Variants in MSRB3 observed in about 807,000 individuals in gnomAD.
The protein encoded by MSRB3 is methionine-R-sulfoxide reductase B3.
A neutral mutation model predicts 21.0 loss-of-function variants in MSRB3; 13 were observed. The ratio of observed to expected loss-of-function variants is 0.62; its 90% confidence interval spans 0.40 to 0.98. MSRB3 has a LOEUF of 0.98. Among genes scored for constraint, MSRB3 ranks in the 50% least tolerant of loss-of-function variants. The pLI is 0.00. For synonymous variants in MSRB3, 87 were observed against 88.6 expected, an observed-to-expected ratio of 0.98 and a Z score of 0.10; for missense variants, 199 against 230.3, an observed-to-expected ratio of 0.86 and a Z score of 0.88.
intron 5 of MSRB3, among the ~76,000 whole-genome samples, chr12:65,444,466 T>C (rs1166058096): frequency 6.6e-6 from 1 of 152,262 alleles, no homozygotes. Context: ...TTAACATGTC[T>C]AAATATTTTT....
At chr12:65,450,611 G>C (rs1206739047) in intron 5 of MSRB3, among the ~76,000 whole-genome samples, 2 of 152,154 alleles carry the variant, frequency 1.3e-5, no homozygotes, top group South Asian at 4.1e-4. Context: ...AACAAATAAT[G>C]TTTTGTTAGA....
chr12:65,345,012 G>GGT (rs1399180504), intron 4 of MSRB3, among the ~76,000 whole-genome samples: 2 of 152,000 alleles, frequency 1.3e-5, no homozygotes, highest in Admixed American at 6.6e-5. Flanking sequence ...CCTGCCTTAG[G>GGT]GTGATGTCAG....
intron 5 of MSRB3, among the ~76,000 whole-genome samples, chr12:65,395,110 G>A (rs1365240033): frequency 6.6e-6 from 1 of 152,118 alleles, no homozygotes; most frequent in Non-Finnish European, 1.5e-5. Context: ...AGAAAGAAAA[G>A]GCACTCAGAT....
intron 5 of MSRB3, among the ~76,000 whole-genome samples, chr12:65,375,115 G>T (rs1303973365): frequency 6.6e-6 from 1 of 151,986 alleles, no homozygotes; most frequent in Non-Finnish European, 1.5e-5. Flanking sequence ...GAAGTGCTGG[G>T]ATTACAGGCG....
At chr12:65,460,180 A>G (rs1422673973) in intron 6 of MSRB3, among the ~76,000 whole-genome samples, 1 of 152,254 alleles carries the variant, frequency 6.6e-6, no homozygotes, top group African/African-American at 2.4e-5. Flanking sequence ...AGTTACAACC[A>G]GGTGTACTGA....
intron 4 of MSRB3, among the ~76,000 whole-genome samples, chr12:65,361,437 C>A (rs1592564402): frequency 6.6e-6 from 1 of 152,092 alleles, no homozygotes; most frequent in Admixed American, 6.6e-5. Flanking sequence ...AGAAATAGAC[C>A]TATTTGCTTA....
At chr12:65,410,182 G>A (rs1364743523) in intron 5 of MSRB3, among the ~76,000 whole-genome samples, 2 of 151,542 alleles carry the variant, frequency 1.3e-5, no homozygotes, top group Non-Finnish European at 2.9e-5. Flanking sequence ...TTTTCTATTG[G>A]GGTATTTATG....
chr12:65,410,161 C>A (rs1880639390), intron 5 of MSRB3, among the ~76,000 whole-genome samples: 1 of 151,878 alleles, frequency 6.6e-6, no homozygotes, highest in Non-Finnish European at 1.5e-5. Flanking sequence ...CAGTTTATGT[C>A]ATTTGTGTAT....
At chr12:65,346,282 T>C (rs1876498686) in intron 4 of MSRB3, among the ~76,000 whole-genome samples, 1 of 152,190 alleles carries the variant, frequency 6.6e-6, no homozygotes, top group Non-Finnish European at 1.5e-5. Context: ...CCATTCTAAC[T>C]GGTGTGAGAT....
intron 1 of MSRB3, chr12:65,286,134 A>C (rs938899806): frequency 3.3e-5 from 5 of 152,372 alleles, no homozygotes; most frequent in African/African-American, 1.2e-4. Context: ...ATATTTGGAA[A>C]GTATACATGT....
At chr12:65,444,013 A>G (rs968086582) in intron 5 of MSRB3, among the ~76,000 whole-genome samples, 2 of 152,210 alleles carry the variant, frequency 1.3e-5, no homozygotes, top group Admixed American at 1.3e-4. Flanking sequence ...TTTATAATTC[A>G]TTTAAGAAAT....
intron 5 of MSRB3, among the ~76,000 whole-genome samples, chr12:65,391,256 T>G (rs559061477): frequency 6.6e-6 from 1 of 152,080 alleles, no homozygotes; most frequent in African/African-American, 2.4e-5. Flanking sequence ...TAAGAGGAGG[T>G]AGGTTCACAT....
intron 2 of MSRB3, among the ~76,000 whole-genome samples, chr12:65,319,518 C>A (rs1874523199): frequency 6.6e-6 from 1 of 152,132 alleles, no homozygotes; most frequent in African/African-American, 2.4e-5. Context: ...ACTCTCTTTA[C>A]ACAAAACTTT....
At chr12:65,344,345 A>T (rs1315367507) in intron 4 of MSRB3, 2 of 151,986 alleles carry the variant, frequency 1.3e-5, no homozygotes, top group Non-Finnish European at 2.9e-5. Context: ...TGTTGATGAT[A>T]ACTGGTAATA....
chr12:65,363,056 C>T (rs190343729), intron 4 of MSRB3, among the ~76,000 whole-genome samples: 14 of 152,242 alleles, frequency 9.2e-5, no homozygotes, highest in Non-Finnish European at 1.5e-4. Flanking sequence ...ATATATAATG[C>T]GCTTACAGAC....
intron 5 of MSRB3, among the ~76,000 whole-genome samples, chr12:65,428,454 T>C (rs1421950613): frequency 6.6e-6 from 1 of 152,194 alleles, no homozygotes; most frequent in Admixed American, 6.5e-5. Flanking sequence ...ACTCTGCCAT[T>C]GTGGTTACAT....
chr12:65,416,442 T>C (rs2136634335), intron 5 of MSRB3, among the ~76,000 whole-genome samples: 1 of 152,308 alleles, frequency 6.6e-6, no homozygotes, highest in South Asian at 2.1e-4. Context: ...GGAGTACGTC[T>C]GAAGAAGTCT....
chr12:65,432,657 T>TA lies in MSRB3; in HGVS notation c.293-21070dup, dbSNP rs559055559. Among the ~76,000 whole-genome samples the TA allele has an allele frequency of 8.8e-4, 134 of 151,810 alleles. No individual in the cohort carries two copies. The East Asian group carries it at 0.015, about 17-fold the overall frequency. ...CATCCCCATTTGTAGCTTTTTTTTT[T>TA]ACAGATGTTTTTTTCCATTAGTTAG... On this transcript the variant is annotated intron_variant, in intron 5 of 6. Transcript: ENST00000308259.
chr12:65,355,692 A>G (rs1195170320), intron 4 of MSRB3, among the ~76,000 whole-genome samples: 2 of 151,872 alleles, frequency 1.3e-5, no homozygotes, highest in Non-Finnish European at 2.9e-5. Context: ...TAGTCTGCAT[A>G]AGCATAAATT....
Sources: gnomAD v4.1 joint callset for allele counts (sites outside exome capture counted in the v4.1 genomes callset) on GRCh38, gnomAD v4.1.1 for gene constraint, MANE v1.5 for transcripts, NCBI Gene and HGNC (gene_info 2026-07-23, HGNC 2026-07-21) for gene names.